SCAI: variants seen among roughly 807,000 people sequenced by gnomAD.
SCAI encodes suppressor of cancer cell invasion, also known as protein SCAI.
In SCAI, 24 loss-of-function variants were observed where a neutral mutation model predicts 92.2. The observed-to-expected ratio is 0.26, with a 90% CI of 0.19 to 0.37. SCAI has a LOEUF of 0.37. Ranked by LOEUF, SCAI falls within the 10% of genes least tolerant of loss-of-function variation. The pLI is 1.00. For missense variants in SCAI, 450 were observed against 736.2 expected (o/e 0.61, Z 4.50); for synonymous variants, 261 against 258.6 (o/e 1.01, Z -0.09).
chr9:125,026,144 G>A (rs1832960249), intron 6 of SCAI, among the ~76,000 whole-genome samples: 1 of 152,204 alleles, frequency 6.6e-6, no homozygotes, highest in South Asian at 2.1e-4. Context: ...GCCAAGGCGG[G>A]TGGATCACTT....
intron 3 of SCAI, among the ~76,000 whole-genome samples, chr9:125,036,057 G>A (rs75291209): frequency 2.6e-5 from 4 of 152,260 alleles, no homozygotes; most frequent in African/African-American, 9.6e-5. Flanking sequence ...GGCTGAGGCG[G>A]GATGACTGCT....
chr9:125,016,016 T>A (rs1480521306), intron 9 of SCAI, among the ~76,000 whole-genome samples: 2 of 116,234 alleles, frequency 1.7e-5, no homozygotes, highest in African/African-American at 6.6e-5. Context: ...AACATCACAC[T>A]TTGGGGACTG....
intron 2 of SCAI, among the ~76,000 whole-genome samples, chr9:125,123,222 G>A (rs142423779): frequency 6.6e-6 from 1 of 152,170 alleles, no homozygotes; most frequent in Non-Finnish European, 1.5e-5. Flanking sequence ...AATCAGCCAG[G>A]TGTGGTGGCA....
chr9:125,135,753 G>T (rs12057073), intron 2 of SCAI, among the ~76,000 whole-genome samples: 72,686 of 151,728 alleles, frequency 0.48, 18,020 homozygotes, highest in East Asian at 0.64. Context: ...ACGGATCACC[G>T]GAGGTCAGGA....
At chr9:125,038,300 A>T (rs1244724437) in intron 3 of SCAI, among the ~76,000 whole-genome samples, 2 of 152,228 alleles carry the variant, frequency 1.3e-5, no homozygotes, top group African/African-American at 2.4e-5. Context: ...ATCATTGAGA[A>T]AGCCACAAAA....
chr9:125,107,671 CAGG>C (rs2131224268), intron 2 of SCAI, among the ~76,000 whole-genome samples: 1 of 152,274 alleles, frequency 6.6e-6, no homozygotes, highest in South Asian at 2.1e-4. Flanking sequence ...GAAGCTGAGG[CAGG>C]AGGACAGCCT....
rs1345652018 is a variant in SCAI, at chr9:125,143,505, G to A, written c.-68C>T. On this transcript the variant is annotated 5_prime_UTR_variant, in exon 1 of 18. Coordinates refer to ENST00000336505, the MANE Select transcript of SCAI (RefSeq NM_001144877.3). ...GGCTCGCTCGGGAAGCTGAGGCGGC[G>A]GAGGCTGGAGTAGGCGGAGAGGCGG... is the stretch of plus-strand genomic sequence containing the variant. The A allele has an allele frequency of 3.9e-6, 5 of 1,271,954 alleles. No individual in the cohort carries two copies. Among genetic ancestry groups the A allele is most frequent in the Admixed American group, 4.1e-5 (1 of 24,442 alleles). The allele number at this position is 1,271,954 out of a possible 1,614,324, so 78.8% of individuals were successfully genotyped here.
chr9:125,052,999 G>A (rs1209569862), intron 3 of SCAI, among the ~76,000 whole-genome samples: 1 of 152,060 alleles, frequency 6.6e-6, no homozygotes, highest in Non-Finnish European at 1.5e-5. Context: ...AAACAGTTTG[G>A]CAGGTCCTCA....
At chr9:125,101,927 C>T (rs574795866) in intron 2 of SCAI, among the ~76,000 whole-genome samples, 9 of 152,304 alleles carry the variant, frequency 5.9e-5, no homozygotes, top group African/African-American at 2.2e-4. Flanking sequence ...GGGATAGAGA[C>T]ATCAAGCTGT....
At chr9:125,109,022 C>A (rs1193061436) in intron 2 of SCAI, among the ~76,000 whole-genome samples, 2 of 152,232 alleles carry the variant, frequency 1.3e-5, no homozygotes, top group Non-Finnish European at 1.5e-5. Flanking sequence ...AAGAAAAATT[C>A]TTCTGCCCTG....
At position 125,085,232 on chromosome 9, in the gene SCAI, A is replaced by C. The variant is rs142937876; in HGVS notation, c.99-29225T>G. Among the ~76,000 whole-genome samples the C allele has an allele frequency of 7.2e-5, 11 of 152,332 alleles. 1 individual carries two copies. The East Asian group carries it at 2.1e-3, about 29-fold the overall frequency. On this transcript the variant is annotated intron_variant, in intron 2 of 17. Transcript: ENST00000336505. Reference sequence around the variant, plus strand: ...ACGGGTGCGGTGGCTTATGCCTGTAATCCCAGCGCTTCGGGAGGTTGAGGT... The same window carrying C: ...ACGGGTGCGGTGGCTTATGCCTGTACTCCCAGCGCTTCGGGAGGTTGAGGT...
intron 3 of SCAI, among the ~76,000 whole-genome samples, chr9:125,037,142 G>A (rs577820129): frequency 1.4e-4 from 21 of 151,964 alleles, no homozygotes; most frequent in Admixed American, 5.9e-4. Context: ...GGTGGCAGGC[G>A]CCCATAATCC....
intron 2 of SCAI, among the ~76,000 whole-genome samples, chr9:125,062,574 A>C (rs773658258): frequency 6.6e-6 from 1 of 151,308 alleles, no homozygotes; most frequent in Non-Finnish European, 1.5e-5. Flanking sequence ...AACATGGTGA[A>C]TGAAACCCCA....
At chr9:124,957,029 T>A (rs1309620740) in intron 17 of SCAI, among the ~76,000 whole-genome samples, 1 of 151,838 alleles carries the variant, frequency 6.6e-6, no homozygotes, top group Non-Finnish European at 1.5e-5. Context: ...TCTCATTCTT[T>A]CACCCAGGAT....
chr9:125,026,456 C>A (rs904868141), intron 6 of SCAI, among the ~76,000 whole-genome samples: 8 of 151,670 alleles, frequency 5.3e-5, no homozygotes, highest in African/African-American at 1.5e-4. Context: ...ACAGTTGTCA[C>A]CAGGCTTTTG....
chr9:124,953,073 TAATA>T, intron 17 of SCAI, 120 bp from the exon 18 acceptor site: 1 of 813,448 alleles, frequency 1.2e-6, no homozygotes, highest in Admixed American at 2.8e-5. Flanking sequence ...TGATTCTTAT[TAATA>T]TATTTGTTGA....
chr9:125,068,114 C>T (rs57465209), intron 2 of SCAI, among the ~76,000 whole-genome samples: 4,930 of 152,192 alleles, frequency 0.032, 219 homozygotes, highest in African/African-American at 0.11. Context: ...CACAAAAGCC[C>T]GAGTATTTCT....
intron 2 of SCAI, among the ~76,000 whole-genome samples, chr9:125,090,479 AGGAGAAGGAAGGGGCAGG>A (rs927037009): frequency 6.6e-6 from 1 of 151,988 alleles, no homozygotes; most frequent in African/African-American, 2.4e-5. Flanking sequence ...ATGATGAAGA[AGGAGAAGGAAGGGGCAGG>A]GGAGAAGGAA....
chr9:125,129,994 G>A (rs1305156288), intron 2 of SCAI, among the ~76,000 whole-genome samples: 2 of 151,812 alleles, frequency 1.3e-5, no homozygotes, highest in African/African-American at 2.4e-5. Flanking sequence ...CACCTCCTGG[G>A]TTCAAGCGAT....
Sources: gnomAD v4.1 joint callset for allele counts (sites outside exome capture counted in the v4.1 genomes callset) on GRCh38, gnomAD v4.1.1 for gene constraint, MANE v1.5 for transcripts, NCBI Gene and HGNC (gene_info 2026-07-23, HGNC 2026-07-21) for gene names.